KCNQ5: variants seen among roughly 807,000 people sequenced by gnomAD.
KCNQ5 encodes potassium voltage-gated channel subfamily KQT member 5.
Under a neutral mutation model 98.2 loss-of-function variants are expected in KCNQ5, and 30 were observed. That is an observed-to-expected ratio of 0.31 (90% CI 0.23 to 0.41). The LOEUF (loss-of-function observed/expected upper bound fraction) is 0.41, where lower values mean the gene tolerates loss of function less well. Among genes scored for constraint, KCNQ5 ranks in the 10% least tolerant of loss-of-function variants. The probability of loss-of-function intolerance (pLI) is 1.00; values close to 1 mark genes in which losing one functional copy is unlikely to be tolerated. For synonymous variants in KCNQ5, 458 were observed against 449.4 expected (o/e 1.02, Z -0.24); for missense variants, 835 against 1,182.5 (o/e 0.71, Z 4.31).
Position 72,929,778 on chromosome 6 carries a change from G to A in KCNQ5, c.399-74130G>A, listed in dbSNP as rs112182296. Among the ~76,000 whole-genome samples the A allele has an allele frequency of 5.9e-5, 9 of 152,070 alleles. No homozygotes were observed. In the East Asian group the frequency reaches 7.7e-4, roughly 13 times the overall value. On this transcript the variant is annotated intron_variant, in intron 1 of 13. Transcript: ENST00000370398. ...CATTTTACCCAGGATAATTTAAAAC[G>A]TATACAATTTGTTAGATATAATTGT...
intron 3 of KCNQ5, among the ~76,000 whole-genome samples, chr6:73,049,254 T>C (rs1353031372): frequency 6.6e-6 from 1 of 152,232 alleles, no homozygotes; most frequent in East Asian, 1.9e-4. Context: ...GAGGAGACTT[T>C]TAAAATTAGA....
At chr6:72,809,719 G>A (rs1379534119) in intron 1 of KCNQ5, among the ~76,000 whole-genome samples, 2 of 152,196 alleles carry the variant, frequency 1.3e-5, no homozygotes, top group African/African-American at 2.4e-5. Context: ...TCCTAAAAAT[G>A]TCAAGACAAA....
chr6:73,053,882 A>G (rs1039818000), intron 3 of KCNQ5, among the ~76,000 whole-genome samples: 2 of 152,150 alleles, frequency 1.3e-5, no homozygotes, highest in African/African-American at 4.8e-5. Context: ...ACGCAAAAAA[A>G]CATACAGAAG....
At chr6:72,952,618 T>C (rs1165443571) in intron 1 of KCNQ5, among the ~76,000 whole-genome samples, 4 of 152,226 alleles carry the variant, frequency 2.6e-5, no homozygotes, top group African/African-American at 9.6e-5. Flanking sequence ...ATTCTAAACC[T>C]AATTTCATGT....
At chr6:72,667,492 G>C (rs1766882614) in intron 1 of KCNQ5, among the ~76,000 whole-genome samples, 1 of 152,102 alleles carries the variant, frequency 6.6e-6, no homozygotes, top group African/African-American at 2.4e-5. Context: ...TTGATAGCAA[G>C]ATCTACCCGT....
intron 1 of KCNQ5, among the ~76,000 whole-genome samples, chr6:72,859,431 T>A (rs190157849): frequency 8.0e-6 from 1 of 124,942 alleles, no homozygotes; most frequent in East Asian, 2.1e-4. Flanking sequence ...TTTTTCGTAT[T>A]TTTTTCAATT....
chr6:72,871,395 T>C (rs7754230), intron 1 of KCNQ5, among the ~76,000 whole-genome samples: 151,179 of 152,260 alleles, frequency 0.99, 75,065 homozygotes, highest in Middle Eastern at 1. Flanking sequence ...TGTTATTTTC[T>C]ACTCTTTGTA....
At chr6:73,142,529 A>G (rs774967840) in intron 10 of KCNQ5, among the ~76,000 whole-genome samples, 59 of 152,032 alleles carry the variant, frequency 3.9e-4, no homozygotes, top group Admixed American at 1.6e-3. Context: ...GCCTCAACCT[A>G]TAGCTACGCA....
chr6:72,701,092 T>C (rs930197311), intron 1 of KCNQ5, among the ~76,000 whole-genome samples: 1 of 152,246 alleles, frequency 6.6e-6, no homozygotes, highest in Non-Finnish European at 1.5e-5. Flanking sequence ...GGGAAATTTC[T>C]AGTAGCTTGA....
At chr6:72,856,494 ACG>A (rs1491395408) in intron 1 of KCNQ5, among the ~76,000 whole-genome samples, 10 of 142,802 alleles carry the variant, frequency 7.0e-5, no homozygotes, top group Admixed American at 2.1e-4. Flanking sequence ...ACACACACAC[ACG>A]TGTGTGTATT....
intron 5 of KCNQ5, among the ~76,000 whole-genome samples, chr6:73,103,695 G>T (rs1204952620): frequency 4.6e-5 from 7 of 152,070 alleles, no homozygotes; most frequent in Non-Finnish European, 8.8e-5. Flanking sequence ...GGGTACCAGA[G>T]TATGAGAAGG....
Position 73,138,177 on chromosome 6 carries a change from G to A in KCNQ5, c.1468+4536G>A, listed in dbSNP as rs557966665. ...TATTTTCCCTGGAGGGAGGCCAATG[G>A]TAGGGTCATCTGAGGCCTGTTTCAA... On this transcript the variant is annotated intron_variant, in intron 10 of 13. Transcript: ENST00000370398. Among the ~76,000 whole-genome samples, 216 of 152,318 alleles carry A rather than the reference G, an allele frequency of 1.4e-3. 2 individuals carry two copies. The highest frequency in any genetic ancestry group is 5.1e-3 in the African/African-American group (211 of 41,564).
chr6:72,833,686 T>G (rs1179659710), intron 1 of KCNQ5, among the ~76,000 whole-genome samples: 1 of 152,078 alleles, frequency 6.6e-6, no homozygotes, highest in Non-Finnish European at 1.5e-5. Flanking sequence ...TTCTAAAATG[T>G]TTTCACTGGA....
intron 1 of KCNQ5, among the ~76,000 whole-genome samples, chr6:72,817,094 GA>G (rs1278629762): frequency 3.3e-5 from 5 of 152,130 alleles, no homozygotes; most frequent in African/African-American, 1.2e-4. Context: ...AAGACAAAAT[GA>G]ACATTTGCCT....
In KCNQ5 at chr6:72,840,093, C is replaced by A. The variant is rs61206734; in HGVS notation, c.399-163815C>A. Among the ~76,000 whole-genome samples, 446 of 152,230 alleles carry A rather than the reference C, an allele frequency of 2.9e-3. 2 individuals are homozygous for A. Among genetic ancestry groups the A allele is most frequent in the African/African-American group, 0.01 (424 of 41,544 alleles). ...TAACTCATCCAAATAACAGAATTAT[C>A]TTTTTTTAAGGCTGAGTAGCATTCC... On this transcript the variant is annotated intron_variant, in intron 1 of 13. Transcript: ENST00000370398.
intron 1 of KCNQ5, among the ~76,000 whole-genome samples, chr6:72,818,648 T>A (rs1051708631): frequency 1.1e-4 from 16 of 151,560 alleles, no homozygotes; most frequent in African/African-American, 3.6e-4. Context: ...ATATGAGTTA[T>A]TTTATTAACC....
chr6:72,623,365 T>TTA (rs1554678867), intron 1 of KCNQ5, among the ~76,000 whole-genome samples: 110 of 144,660 alleles, frequency 7.6e-4, no homozygotes, highest in Middle Eastern at 3.8e-3. Context: ...GTGGGTTAAG[T>TTA]CCCCGTTTGT....
chr6:72,806,452 A>G lies in KCNQ5; in HGVS notation c.398+183865A>G, dbSNP rs767382133. On this transcript the variant is annotated intron_variant, in intron 1 of 13. Transcript: ENST00000370398. The stretch of plus-strand genomic sequence containing the variant: ...GGCCAAATCAAAAGATGGGAAATCT[A>G]GAAGACATATTTCTTCAAAAAGATA... Among the ~76,000 whole-genome samples the G allele has an allele frequency of 2.6e-5, 4 of 152,158 alleles. No homozygotes were observed. In the South Asian group the frequency reaches 8.3e-4, roughly 32 times the overall value.
At chr6:73,005,643 T>A (rs1769779513) in intron 2 of KCNQ5, among the ~76,000 whole-genome samples, 1 of 152,174 alleles carries the variant, frequency 6.6e-6, no homozygotes, top group Non-Finnish European at 1.5e-5. Context: ...TGTTAAATAG[T>A]GAACAATGGA....
Sources: gnomAD v4.1 joint callset for allele counts (sites outside exome capture counted in the v4.1 genomes callset) on GRCh38, gnomAD v4.1.1 for gene constraint, MANE v1.5 for transcripts, NCBI Gene and HGNC (gene_info 2026-07-23, HGNC 2026-07-21) for gene names.